Variants in RIMS1 observed in about 807,000 individuals in gnomAD.
The protein encoded by RIMS1 is regulating synaptic membrane exocytosis protein 1.
In RIMS1, 83 loss-of-function variants were observed where a neutral mutation model predicts 214.1. The observed-to-expected ratio is 0.39, with a 90% CI of 0.32 to 0.47. The LOEUF is 0.47. Among genes scored for constraint, RIMS1 ranks in the 20% least tolerant of loss-of-function variants. RIMS1 has a pLI of 0.99. For synonymous variants in RIMS1, 793 were observed against 786.8 expected, an observed-to-expected ratio of 1.01 and a Z score of -0.13; for missense variants, 2,050 against 2,161.8, an observed-to-expected ratio of 0.95 and a Z score of 1.03.
intron 2 of RIMS1, among the ~76,000 whole-genome samples, chr6:72,061,158 A>C (rs184278453): frequency 8.5e-5 from 13 of 152,288 alleles, no homozygotes; most frequent in African/African-American, 2.4e-4. Flanking sequence ...ACCATGATAT[A>C]GCTTGGTTCT....
intron 4 of RIMS1, among the ~76,000 whole-genome samples, 159 bp downstream of exon 4, chr6:72,100,145 G>A (rs994298888): frequency 1.3e-5 from 2 of 151,956 alleles, no homozygotes; most frequent in Admixed American, 1.3e-4. Flanking sequence ...TAAACATTTA[G>A]GAGCATTACA....
intron 19 of RIMS1, chr6:72,261,884 T>C: frequency 1.0e-6 from 1 of 985,286 alleles, no homozygotes. Flanking sequence ...GAAAAAAATG[T>C]AAAATCATGC....
Position 72,400,788 on chromosome 6 carries a change from C to T in RIMS1, c.*74C>T, listed in dbSNP as rs1450216757. The T allele has an allele frequency of 1.8e-5, 22 of 1,223,242 alleles. No individual in the cohort carries two copies. Among genetic ancestry groups the T allele is most frequent in the East Asian group, 1.2e-4 (5 of 42,488 alleles). 75.8% of individuals were successfully genotyped at this position (1,223,242 alleles called of 1,614,324 possible). On this transcript the variant is annotated 3_prime_UTR_variant, in exon 34 of 34. Coordinates refer to ENST00000521978, the MANE Select transcript of RIMS1 (RefSeq NM_014989.7). ...TAATCTGAACCAGATATTTCATGAT[C>T]GAAAGCATTGTTGGAGACAGACAAT...
chr6:72,258,081 T>C, intron 16 of RIMS1, 44 bp from the exon 17 acceptor site: 3 of 1,556,524 alleles, frequency 1.9e-6, no homozygotes, highest in Non-Finnish European at 2.6e-6. Flanking sequence ...GTTTGCATTA[T>C]AGAAGAATAC....
At chr6:72,084,450 G>A (rs1023999627) in intron 2 of RIMS1, among the ~76,000 whole-genome samples, 1 of 152,082 alleles carries the variant, frequency 6.6e-6, no homozygotes, top group Non-Finnish European at 1.5e-5. Context: ...TCTTGAACGA[G>A]GTTTTCAGTT....
intron 1 of RIMS1, among the ~76,000 whole-genome samples, chr6:71,894,072 A>G (rs554060690): frequency 6.2e-4 from 94 of 152,216 alleles, no homozygotes; most frequent in Non-Finnish European, 1.1e-3. Context: ...AATATATCTC[A>G]ACAATAAGTA....
chr6:72,399,083 A>G lies in RIMS1; in HGVS notation c.4849A>G (p.Lys1617Glu). 6.2e-7 allele frequency: 1 copy of G among 1,604,178 alleles called. No homozygotes were observed. Among genetic ancestry groups the G allele is most frequent in the Non-Finnish European group, 8.5e-7 (1 of 1,174,902 alleles). The change falls in exon 33 of 34, where the codon AAA (lysine) becomes GAA (glutamate). Residue 1617 changes from lysine (K) to glutamate (E), a missense_variant. Physicochemically the swap from Lys to Glu is moderately conservative, Grantham distance 56. Around this residue, in one of 6 missense-constraint regions of RIMS1, gnomAD observed 121 missense variants for 187.3 expected, o/e 0.65. Coordinates refer to ENST00000521978, the MANE Select transcript of RIMS1 (RefSeq NM_014989.7). ...SLVFDESPQG[K>E]VLQVIVWGDY... ...GGTTTTTGATGAAAGTCCACAGGGT[A>G]AAGTTCTTCAGGTCAGTAATAGTTT...
At chr6:72,140,848 A>G (rs1056069578) in intron 4 of RIMS1, among the ~76,000 whole-genome samples, 19 of 152,052 alleles carry the variant, frequency 1.2e-4, no homozygotes, top group African/African-American at 4.6e-4. Context: ...TCCTGTTGTC[A>G]TATAGATGTA....
intron 2 of RIMS1, among the ~76,000 whole-genome samples, chr6:72,014,639 ACT>A (rs1367054067): frequency 6.6e-6 from 1 of 152,092 alleles, no homozygotes; most frequent in Non-Finnish European, 1.5e-5. Flanking sequence ...TCATGTGGTA[ACT>A]CTATGTTTAA....
Position 72,183,139 on chromosome 6 carries a change from C to T in RIMS1, c.1668C>T (p.Val556=). ...CEDVELESES[V]SEKGDLDYYW... ...ACGTGGAGCTGGAGAGCGAGAGCGT[C>T]AGCGAGAAAGGTAAGGGGGCGGCGC... Residue 556 remains valine, a synonymous_variant, in exon 6 of 34, where the codon GTC becomes GTT. Transcript: ENST00000521978. 1 of 1,591,388 alleles carries T rather than the reference C, an allele frequency of 6.3e-7. No homozygotes were observed.
rs954737449 is a variant in RIMS1 at position 72,186,929 on chromosome 6, G to A, written c.1678+3780G>A. ...GGGGATTTTCCGAGCTCAGGAGTTC[G>A]AGACCAGCCTGGGCAACATGGTGAA... On this transcript the variant is annotated intron_variant, in intron 6 of 33. Coordinates refer to ENST00000521978, the MANE Select transcript of RIMS1 (RefSeq NM_014989.7). Among the ~76,000 whole-genome samples, 11 of 152,040 alleles carry A rather than the reference G, an allele frequency of 7.2e-5. No homozygotes were observed. The South Asian group carries it at 1.2e-3, about 17-fold the overall frequency.
At chr6:72,075,240 C>A (rs1296571796) in intron 2 of RIMS1, among the ~76,000 whole-genome samples, 1 of 151,994 alleles carries the variant, frequency 6.6e-6, no homozygotes, top group Non-Finnish European at 1.5e-5. Flanking sequence ...TACCAGCACA[C>A]CTAGCTAATT....
intron 4 of RIMS1, among the ~76,000 whole-genome samples, chr6:72,143,642 C>T (rs1043666258): frequency 3.3e-5 from 5 of 152,146 alleles, no homozygotes; most frequent in Admixed American, 1.3e-4. Flanking sequence ...TGGTGATGAA[C>T]CAGCCTTCTA....
At chr6:72,204,038 C>T (rs1410250644) in intron 6 of RIMS1, among the ~76,000 whole-genome samples, 2 of 152,124 alleles carry the variant, frequency 1.3e-5, no homozygotes, top group African/African-American at 2.4e-5. Context: ...GAATAAAATA[C>T]AGAGTTATAT....
At chr6:72,261,713 T>A (rs145112837) in intron 19 of RIMS1, 1 of 985,280 alleles carries the variant, frequency 1.0e-6, no homozygotes, top group Non-Finnish European at 1.2e-6. Flanking sequence ...TTATTATGTC[T>A]GTGTGTAATA....
intron 4 of RIMS1, among the ~76,000 whole-genome samples, chr6:72,107,706 G>A (rs1364803981): frequency 6.6e-6 from 1 of 152,192 alleles, no homozygotes; most frequent in Non-Finnish European, 1.5e-5. Context: ...AAGGGGTTAT[G>A]AGAAGACATT....
intron 29 of RIMS1, among the ~76,000 whole-genome samples, chr6:72,348,706 CTT>C (rs887465139): frequency 5.3e-5 from 8 of 151,750 alleles, no homozygotes. Context: ...CCGATAGGTA[CTT>C]TTTTTCAGCA....
chr6:72,083,633 G>C (rs999385741), intron 2 of RIMS1, among the ~76,000 whole-genome samples: 1 of 152,144 alleles, frequency 6.6e-6, no homozygotes, highest in African/African-American at 2.4e-5. Flanking sequence ...TAAAAGCGAA[G>C]TACTCTGTTT....
chr6:72,072,904 A>G (rs1830900830), intron 2 of RIMS1, among the ~76,000 whole-genome samples: 1 of 152,238 alleles, frequency 6.6e-6, no homozygotes, highest in South Asian at 2.1e-4. Context: ...GGATATTATC[A>G]GTGAGCAAAA....
Sources: allele counts gnomAD v4.1 joint callset (sites outside exome capture counted in the v4.1 genomes callset), GRCh38; gene constraint gnomAD v4.1.1; regional missense constraint gnomAD v4.1.1; transcripts MANE v1.5; gene names NCBI Gene and HGNC (gene_info 2026-07-23, HGNC 2026-07-21).